Variants in TMEM192 observed in about 807,000 individuals in gnomAD.
TMEM192 encodes transmembrane protein 192.
In TMEM192, 20 loss-of-function variants were observed where a neutral mutation model predicts 26.7. That is an observed-to-expected ratio of 0.75 (90% CI 0.53 to 1.09). TMEM192 has a LOEUF of 1.09. TMEM192 is among the 50% of genes least tolerant of loss of function. The probability of loss-of-function intolerance (pLI) is 0.00; values close to 1 mark genes in which losing one functional copy is unlikely to be tolerated. For missense variants in TMEM192, 304 were observed against 322.6 expected, an observed-to-expected ratio of 0.94 and a Z score of 0.44; for synonymous variants, 124 against 121.0, an observed-to-expected ratio of 1.02 and a Z score of -0.16.
intron 3 of TMEM192, among the ~76,000 whole-genome samples, chr4:165,089,990 T>A (rs962306728): frequency 3.9e-5 from 6 of 151,932 alleles, no homozygotes; most frequent in Non-Finnish European, 8.8e-5. Context: ...GGTGGGTAGA[T>A]CACCTGAGGT....
intron 1 of TMEM192, among the ~76,000 whole-genome samples, chr4:165,104,177 C>T (rs1735110492): frequency 7.3e-6 from 1 of 136,500 alleles, no homozygotes; most frequent in South Asian, 2.4e-4. Flanking sequence ...GAGTGTAGAT[C>T]TTAAGTGTTC....
At position 165,071,787 on chromosome 4, in the gene TMEM192, T is replaced by C. The variant is rs1333039263; in HGVS notation, c.*7871A>G. On this transcript the variant is annotated 3_prime_UTR_variant, in exon 6 of 6. Coordinates refer to ENST00000306480, the MANE Select transcript of TMEM192 (RefSeq NM_001100389.2). ...GGTGGGGTGGGAAGTGGAGATTTTC[T>C]AGGTCCCTGAAGGCCACTGTCCAGG... is the stretch of plus-strand genomic sequence containing the variant. 6.6e-6 allele frequency: 1 copy of C among 152,350 alleles called. No homozygotes were observed. The highest frequency in any genetic ancestry group is 1.5e-5 in the Non-Finnish European group (1 of 68,188). The allele number at this position is 152,350 out of a possible 1,614,324, so 9.4% of individuals were successfully genotyped here.
At chr4:165,101,654 AC>A (rs1735041173) in intron 2 of TMEM192, among the ~76,000 whole-genome samples, 1 of 152,126 alleles carries the variant, frequency 6.6e-6, no homozygotes, top group African/African-American at 2.4e-5. Flanking sequence ...CCACAAGGCC[AC>A]CCCTGCACAT....
Position 165,112,818 on chromosome 4 carries a change from A to G in TMEM192, c.-45T>C, listed in dbSNP as rs1465682241. ...AAGCCCTGGCCAGCCCGGCCTCTCCACCTGGACCTGTAAGCCTCTGGCCGC... is the reference window on the plus strand; with the variant it reads ...AAGCCCTGGCCAGCCCGGCCTCTCCGCCTGGACCTGTAAGCCTCTGGCCGC... On this transcript the variant is annotated 5_prime_UTR_variant, in exon 1 of 6. Transcript: ENST00000306480. 9 of 1,594,966 alleles carry G rather than the reference A, an allele frequency of 5.6e-6. No individual in the cohort carries two copies. Among genetic ancestry groups the G allele is most frequent in the Non-Finnish European group, 7.7e-6 (9 of 1,175,340 alleles).
Position 165,075,771 on chromosome 4 carries a change from T to C in TMEM192, c.*3887A>G, listed in dbSNP as rs1734364995. On this transcript the variant is annotated 3_prime_UTR_variant, in exon 6 of 6. Transcript: ENST00000306480. The stretch of plus-strand genomic sequence containing the variant: ...TCTTAGTAGAGATGGGGTTTCACCA[T>C]CTTGGCCAGGCTGGTCTCTAACTCC... The C allele has an allele frequency of 6.6e-6, 1 of 152,006 alleles. No individual in the cohort carries two copies. The highest frequency in any genetic ancestry group is 1.5e-5 in the Non-Finnish European group (1 of 68,030). 9.4% of individuals were successfully genotyped at this position (152,006 alleles called of 1,614,324 possible). A position where few individuals can be genotyped will look rare whatever the true frequency, so the allele number is the denominator to read the frequency against.
chr4:165,106,407 G>GC (rs1215076179), intron 1 of TMEM192, among the ~76,000 whole-genome samples: 3 of 152,108 alleles, frequency 2.0e-5, no homozygotes, highest in Non-Finnish European at 4.4e-5. Flanking sequence ...ACTTTGGGTA[G>GC]CTCCCTATGA....
intron 1 of TMEM192, among the ~76,000 whole-genome samples, 170 bp from the exon 2 acceptor site, chr4:165,103,266 T>C (rs1357491308): frequency 6.6e-6 from 1 of 151,986 alleles, no homozygotes; most frequent in African/African-American, 2.4e-5. Flanking sequence ...TTAATTTAAT[T>C]AATTAAAAAA....
In TMEM192 at chr4:165,078,211, T is replaced by TC. The variant is rs1734433540; in HGVS notation, c.*1446dup. ...TGCCTATATAGTTATATCGAACACA[T>TC]CCCTATATGGTTACATATCAAATAT... On this transcript the variant is annotated 3_prime_UTR_variant, in exon 6 of 6. Coordinates refer to ENST00000306480, the MANE Select transcript of TMEM192 (RefSeq NM_001100389.2). 1 of 152,096 alleles carries TC rather than the reference T, an allele frequency of 6.6e-6. No homozygotes were observed. The highest frequency in any genetic ancestry group is 1.5e-5 in the Non-Finnish European group (1 of 68,024). 9.4% of individuals were successfully genotyped at this position (152,096 alleles called of 1,614,324 possible).
At chr4:165,104,599 C>T (rs1735120841) in intron 1 of TMEM192, among the ~76,000 whole-genome samples, 1 of 152,114 alleles carries the variant, frequency 6.6e-6, no homozygotes, top group South Asian at 2.1e-4. Flanking sequence ...GGCTCAATCT[C>T]GGCTCATTGC....
chr4:165,111,556 T>C (rs1396581128), intron 1 of TMEM192: 2 of 152,252 alleles, frequency 1.3e-5, no homozygotes, highest in Non-Finnish European at 2.9e-5. Context: ...TATTCGGTTT[T>C]TTCTGTACAT....
rs1223316118 is a variant in TMEM192, at chr4:165,078,517, AG to A, written c.*1140del. The A allele has an allele frequency of 2.0e-5, 3 of 152,242 alleles. No individual in the cohort carries two copies. The highest frequency in any genetic ancestry group is 4.4e-5 in the Non-Finnish European group (3 of 68,048). The allele number at this position is 152,242 out of a possible 1,614,324, so 9.4% of individuals were successfully genotyped here. On this transcript the variant is annotated 3_prime_UTR_variant, in exon 6 of 6. Transcript: ENST00000306480. ...TTTAAGTATAATCCAAGGCTTTAAA[AG>A]GTATCTTTTTTTTACAGTAATTTAA...
chr4:165,075,570 A>G lies in TMEM192; in HGVS notation c.*4088T>C, dbSNP rs1385680662. 1.4e-5 allele frequency: 2 copies of G among 140,750 alleles called. No homozygotes were observed. The highest frequency in any genetic ancestry group is 3.1e-5 in the Non-Finnish European group (2 of 64,810). 8.7% of individuals were successfully genotyped at this position (140,750 alleles called of 1,614,324 possible). A position where few individuals can be genotyped will look rare whatever the true frequency, so the allele number is the denominator to read the frequency against. On this transcript the variant is annotated 3_prime_UTR_variant, in exon 6 of 6. Transcript: ENST00000306480. ...TGCCCAGCCGAAATACAAAATTTTT[A>G]GTATTTTTTTTTTTTTTTGAGATGG...
At position 165,082,118 on chromosome 4, in the gene TMEM192, C is replaced by T. The variant is rs1435972576; in HGVS notation, c.678-2322G>A. ...CCGAGTAGCTGGGACTACAGGCGTGCACCACCACACCCAGCTAATTTTTAT... is the reference window on the plus strand; with the variant it reads ...CCGAGTAGCTGGGACTACAGGCGTGTACCACCACACCCAGCTAATTTTTAT... On this transcript the variant is annotated intron_variant, in intron 5 of 5. Transcript: ENST00000306480. Among the ~76,000 whole-genome samples the T allele has an allele frequency of 2.2e-3, 80 of 36,534 alleles. 27 individuals are homozygous for T. Among genetic ancestry groups the T allele is most frequent in the African/African-American group, 4.0e-3 (80 of 20,222 alleles). 24.0% of individuals were successfully genotyped at this position (36,534 alleles called of 152,430 possible).
At chr4:165,080,506 C>G (rs1430667131) in intron 5 of TMEM192, among the ~76,000 whole-genome samples, 1 of 151,868 alleles carries the variant, frequency 6.6e-6, no homozygotes, top group Non-Finnish European at 1.5e-5. Context: ...ATTGCCTATT[C>G]AAGAAATAAA....
At chr4:165,089,390 G>A (rs930423141) in intron 3 of TMEM192, among the ~76,000 whole-genome samples, 10 of 151,946 alleles carry the variant, frequency 6.6e-5, no homozygotes, top group African/African-American at 1.9e-4. Context: ...GCGCTATCTC[G>A]GCTCACTGCA....
Position 165,079,723 on chromosome 4 carries a change from G to T in TMEM192, c.751C>A (p.Leu251Met), listed in dbSNP as rs760233507. The T allele has an allele frequency of 6.2e-7, 1 of 1,614,038 alleles. No individual in the cohort carries two copies. Among genetic ancestry groups the T allele is most frequent in the Non-Finnish European group, 8.5e-7 (1 of 1,179,966 alleles). ...AGAGCCAACAATCGCTTACTCAGCAGCGCATTGTGTCGCTTCAGGTATTCA... is the reference window on the plus strand; with the variant it reads ...AGAGCCAACAATCGCTTACTCAGCATCGCATTGTGTCGCTTCAGGTATTCA... ...TIEYLKRHNA[L>M]LSKRLLALTS... The change falls in exon 6 of 6, where the codon CTG (leucine) becomes ATG (methionine). Residue 251 changes from leucine (L) to methionine (M), a missense_variant. Coordinates refer to ENST00000306480, the MANE Select transcript of TMEM192 (RefSeq NM_001100389.2).
chr4:165,099,761 A>G (rs576643084), intron 3 of TMEM192, among the ~76,000 whole-genome samples: 1 of 152,242 alleles, frequency 6.6e-6, no homozygotes, highest in East Asian at 1.9e-4. Flanking sequence ...CCTGGGCAAC[A>G]TGGTGAGAAC....
At chr4:165,090,313 G>A (rs573921221) in intron 3 of TMEM192, among the ~76,000 whole-genome samples, 2 of 150,648 alleles carry the variant, frequency 1.3e-5, no homozygotes, top group Admixed American at 1.3e-4. Flanking sequence ...AACCCGGGGG[G>A]CAGAGTTTGC....
rs1268848125 is a variant in TMEM192, at chr4:165,079,189, T to G, written c.*469A>C. ...ACACCACATAAGCATATAAAATACA[T>G]GATAAGGCTCTCCAGGAAAAAATAT... On this transcript the variant is annotated 3_prime_UTR_variant, in exon 6 of 6. Coordinates refer to ENST00000306480, the MANE Select transcript of TMEM192 (RefSeq NM_001100389.2). 1 of 153,724 alleles carries G rather than the reference T, an allele frequency of 6.5e-6. No homozygotes were observed. Among genetic ancestry groups the G allele is most frequent in the Admixed American group, 6.5e-5 (1 of 15,392 alleles). 9.5% of individuals were successfully genotyped at this position (153,724 alleles called of 1,614,324 possible). A position where few individuals can be genotyped will look rare whatever the true frequency, so the allele number is the denominator to read the frequency against.
Sources: allele counts gnomAD v4.1 joint callset (sites outside exome capture counted in the v4.1 genomes callset), GRCh38; gene constraint gnomAD v4.1.1; transcripts MANE v1.5; gene names NCBI Gene and HGNC (gene_info 2026-07-23, HGNC 2026-07-21).